Variants in TUBGCP5 observed in about 807,000 individuals in gnomAD.
TUBGCP5 encodes gamma-tubulin complex component 5.
Under a neutral mutation model 134.7 loss-of-function variants are expected in TUBGCP5, and 98 were observed. The observed-to-expected ratio is 0.73, with a 90% CI of 0.62 to 0.86. The LOEUF is 0.86. Ranked by LOEUF, TUBGCP5 falls within the 40% of genes least tolerant of loss-of-function variation. The pLI is 0.00. For missense variants in TUBGCP5, 1,150 were observed against 1,244.8 expected (o/e 0.92, Z 1.15); for synonymous variants, 456 against 431.4 (o/e 1.06, Z -0.71).
At chr15:23,004,395 C>G (rs140759238) in intron 19 of TUBGCP5, 168 bp from the exon 20 acceptor site, 2 of 792,650 alleles carry the variant, frequency 2.5e-6, no homozygotes, top group East Asian at 6.0e-5. Flanking sequence ...GCTGGATACT[C>G]TGGCGTTCTG....
At chr15:23,021,073 G>A (rs144125329) in intron 11 of TUBGCP5, among the ~76,000 whole-genome samples, 6,991 of 152,190 alleles carry the variant, frequency 0.046, 426 homozygotes, top group African/African-American at 0.14. Flanking sequence ...ATTTTTAGTA[G>A]AGACGGGGTT....
intron 13 of TUBGCP5, among the ~76,000 whole-genome samples, chr15:23,016,120 C>A (rs2065300223): frequency 6.6e-6 from 1 of 152,168 alleles, no homozygotes; most frequent in Admixed American, 6.5e-5. Flanking sequence ...AAACACTCAA[C>A]AAAATCAGGA....
Position 23,018,005 on chromosome 15 carries a change from C to G in TUBGCP5, c.1524G>C (p.Trp508Cys). Residue 508 changes from tryptophan to cysteine, a missense_variant, in exon 13 of 23, where the codon TGG (tryptophan) becomes TGC (cysteine). Trp to Cys is a radical substitution (Grantham distance 215). Transcript: ENST00000615383. ...CGCTATATAACGTGTAAGTTGCATACCAGAAGTCTCTGTGATTAACTGGAA... is the reference window on the plus strand; with the variant it reads ...CGCTATATAACGTGTAAGTTGCATAGCAGAAGTCTCTGTGATTAACTGGAA... ...KNVPVNHRDF[W>C]YATYTLYSVS... 1.2e-6 allele frequency: 2 copies of G among 1,612,772 alleles called. No individual in the cohort carries two copies. The highest frequency in any genetic ancestry group is 1.7e-6 in the Non-Finnish European group (2 of 1,179,018).
Position 23,024,053 on chromosome 15 carries a change from A to T in TUBGCP5, c.1062T>A (p.Thr354=), listed in dbSNP as rs1032331185. 1.2e-6 allele frequency: 2 copies of T among 1,614,190 alleles called. No individual in the cohort carries two copies. Among genetic ancestry groups the T allele is most frequent in the Admixed American group, 1.7e-5 (1 of 60,032 alleles). ...CCTGGTAGGTTCTAAAGGGAGCTTC[A>T]GTTGACTTCTTAGGAACAGACCCAC... ...PGSGSVPKKS[T]EAPFRTYQAF... The change falls in exon 10 of 23, where the codon ACT becomes ACA. Residue 354 remains threonine, a synonymous_variant. Coordinates refer to ENST00000615383, the MANE Select transcript of TUBGCP5 (RefSeq NM_052903.6).
chr15:23,039,166 C>A (rs2066768340), intron 1 of TUBGCP5, among the ~76,000 whole-genome samples: 1 of 151,994 alleles, frequency 6.6e-6, no homozygotes, highest in African/African-American at 2.4e-5. Context: ...ACGCTTTCCC[C>A]GTGACGATCA....
chr15:23,038,261 G>A (rs754520573), intron 1 of TUBGCP5, among the ~76,000 whole-genome samples: 4 of 151,718 alleles, frequency 2.6e-5, no homozygotes, highest in African/African-American at 7.3e-5. Flanking sequence ...CATGATTCTA[G>A]GCCAGTAAAT....
chr15:23,016,969 G>GATAGATAT (rs1555439438), intron 13 of TUBGCP5, among the ~76,000 whole-genome samples: 1 of 109,436 alleles, frequency 9.1e-6, no homozygotes, highest in African/African-American at 3.6e-5. Flanking sequence ...AAAATTGTGA[G>GATAGATAT]ATATATATAT....
Position 23,024,195 on chromosome 15 carries a change from TACA to T in TUBGCP5, c.922-5_922-3del. ...TTCCAGCACAGATCGTAAACAGCTC[TACA>T]ACACAAGCAAACTGCAATTATTCAA... On this transcript the variant is annotated splice_polypyrimidine_tract_variant and splice_region_variant and intron_variant, in intron 9 of 22. Coordinates refer to ENST00000615383, the MANE Select transcript of TUBGCP5 (RefSeq NM_052903.6). 1 of 1,609,726 alleles carries T rather than the reference TACA, an allele frequency of 6.2e-7. No individual in the cohort carries two copies. The highest frequency in any genetic ancestry group is 8.5e-7 in the Non-Finnish European group (1 of 1,176,962).
chr15:23,024,803 A>G lies in TUBGCP5; in HGVS notation c.855T>C (p.Phe285=), dbSNP rs916890991. The G allele has an allele frequency of 6.3e-7, 1 of 1,597,922 alleles. No individual in the cohort carries two copies. Among genetic ancestry groups the G allele is most frequent in the Admixed American group, 1.7e-5 (1 of 58,332 alleles). Reference sequence around the variant, plus strand: ...CCTTCCCATCTATCAACTGAAATATAAAGAGCTTTTTCACTCCTGAAAGTA... The same window carrying G: ...CCTTCCCATCTATCAACTGAAATATGAAGAGCTTTTTCACTCCTGAAAGTA... ...LWLLSGVKKL[F]IFQLIDGKVT... is the part of the protein sequence containing the mutation. Residue 285 remains phenylalanine (F), a synonymous_variant, in exon 9 of 23, where the codon TTT becomes TTC. Coordinates refer to ENST00000615383, the MANE Select transcript of TUBGCP5 (RefSeq NM_052903.6).
At position 23,024,002 on chromosome 15, in the gene TUBGCP5, A is replaced by G. The variant is rs751260810; in HGVS notation, c.1113T>C (p.Tyr371=). 25 of 1,614,104 alleles carry G rather than the reference A, an allele frequency of 1.5e-5. No homozygotes were observed. The highest frequency in any genetic ancestry group is 1.8e-5 in the Non-Finnish European group (21 of 1,180,006). The change falls in exon 10 of 23, where the codon TAT becomes TAC. Residue 371 remains tyrosine, a synonymous_variant. Transcript: ENST00000615383. ...YQAFMWALYK[Y]FISFKEELAE... is the part of the protein sequence containing the mutation. ...CAAGTTCCTCTTTGAAACTAATGAAATATTTGTACAGGGCCCACATGAAAG... is the reference window on the plus strand; with the variant it reads ...CAAGTTCCTCTTTGAAACTAATGAAGTATTTGTACAGGGCCCACATGAAAG...
chr15:23,026,054 A>C, intron 8 of TUBGCP5, 62 bp downstream of exon 8: 1 of 1,385,834 alleles, frequency 7.2e-7, no homozygotes, highest in Non-Finnish European at 9.9e-7. Flanking sequence ...CCTTTAATAA[A>C]AGTTTTTGCT....
chr15:23,026,053 A>C lies in TUBGCP5; in HGVS notation c.827+63T>G, dbSNP rs889470133. The C allele has an allele frequency of 6.0e-5, 83 of 1,382,886 alleles. No individual in the cohort carries two copies. The Admixed American group carries it at 1.9e-3, about 32-fold the overall frequency. 85.7% of individuals were successfully genotyped at this position (1,382,886 alleles called of 1,614,324 possible). ...AATGCTTGAAAAGTTTCCTTTAATA[A>C]AAGTTTTTGCTTCTCAGTAATCAAG... On this transcript the variant is annotated intron_variant, in intron 8 of 22. Coordinates refer to ENST00000615383, the MANE Select transcript of TUBGCP5 (RefSeq NM_052903.6).
At chr15:23,030,792 T>C in intron 6 of TUBGCP5, 93 bp downstream of exon 6, 1 of 1,482,992 alleles carries the variant, frequency 6.7e-7, no homozygotes, top group South Asian at 1.3e-5. Flanking sequence ...GCTTAGCCAA[T>C]ACCTTGATTA....
In TUBGCP5 at chr15:23,030,946, G is replaced by A. The variant is rs773582523; in HGVS notation, c.561C>T (p.Asp187=). The change falls in exon 6 of 23, where the codon GAC becomes GAT. Residue 187 remains aspartate, a synonymous_variant. Coordinates refer to ENST00000615383, the MANE Select transcript of TUBGCP5 (RefSeq NM_052903.6). ...GATCTTGTTCTTCTAACGGTGTCCT[G>A]TCTACCTGAATTCCAGAGTCCTCTC... is the stretch of plus-strand genomic sequence containing the variant. ...LSREDSGIQV[D]RTPLEEQDQN... 32 of 1,613,490 alleles carry A rather than the reference G, an allele frequency of 2.0e-5. No individual in the cohort carries two copies. The highest frequency in any genetic ancestry group is 2.6e-5 in the Non-Finnish European group (31 of 1,179,874).
chr15:23,030,517 AT>A (rs1181276736), intron 6 of TUBGCP5, among the ~76,000 whole-genome samples: 25 of 148,492 alleles, frequency 1.7e-4, no homozygotes, highest in Admixed American at 5.4e-4. Context: ...TTTTATTTTA[AT>A]TTTTTTTTGA....
downstream of TUBGCP5, among the ~76,000 whole-genome samples, chr15:22,994,428 A>T (rs2063978935): frequency 6.6e-6 from 1 of 152,186 alleles, no homozygotes. Flanking sequence ...GATGTGCAGC[A>T]CGGCCTTAGC....
intron 21 of TUBGCP5, 62 bp from the exon 22 acceptor site, chr15:23,000,731 G>A (rs891279138): frequency 1.2e-5 from 14 of 1,176,328 alleles, no homozygotes; most frequent in African/African-American, 9.3e-5. Flanking sequence ...TAGGCTTCAA[G>A]ATATCTGTGG....
Position 23,037,152 on chromosome 15 carries a change from T to C in TUBGCP5, c.147A>G (p.Arg49=), listed in dbSNP as rs746165926. Residue 49 remains arginine (R), a splice_region_variant and synonymous_variant, in exon 2 of 23, where the codon AGA becomes AGG. Transcript: ENST00000615383. ...TGTTGACATCCAAGAAACGATGAAA[T>C]CTATTAAAGACAAAATGCAATTCTT... ...LALNFAWSNF[R]FHRFLDVNSH... 2 of 1,612,674 alleles carry C rather than the reference T, an allele frequency of 1.2e-6. No individual in the cohort carries two copies. Among genetic ancestry groups the C allele is most frequent in the Admixed American group, 1.7e-5 (1 of 59,884 alleles).
chr15:22,995,913 C>T (rs2064054528), downstream of TUBGCP5, among the ~76,000 whole-genome samples: 1 of 151,700 alleles, frequency 6.6e-6, no homozygotes, highest in Non-Finnish European at 1.5e-5. Flanking sequence ...GCTTTTTTTT[C>T]GACATAAAGT....
Sources: gnomAD v4.1 joint callset for allele counts (sites outside exome capture counted in the v4.1 genomes callset) on GRCh38, gnomAD v4.1.1 for gene constraint, MANE v1.5 for transcripts, NCBI Gene and HGNC (gene_info 2026-07-23, HGNC 2026-07-21) for gene names.